Variants in KCNC2 observed in about 807,000 individuals in gnomAD.
KCNC2 encodes potassium voltage-gated channel subfamily C member 2.
A neutral mutation model predicts 44.5 loss-of-function variants in KCNC2; 21 were observed. The observed-to-expected ratio is 0.47, with a 90% CI of 0.33 to 0.68. KCNC2 has a LOEUF of 0.68. Among genes scored for constraint, KCNC2 ranks in the 30% least tolerant of loss-of-function variants. The pLI, the probability that KCNC2 is intolerant of heterozygous loss-of-function variation, is 0.01. For missense variants in KCNC2, 589 were observed against 826.2 expected (o/e 0.71, Z 3.52); for synonymous variants, 391 against 339.1 (o/e 1.15, Z -1.68).
At chr12:75,043,709 G>T in intron 4 of KCNC2, 1 of 1,402,960 alleles carries the variant, frequency 7.1e-7, no homozygotes, top group Non-Finnish European at 9.3e-7. Context: ...TCTTTTTCCA[G>T]CATATTTAAT....
Position 75,051,978 on chromosome 12 carries a change from C to A in KCNC2, c.688-661G>T, listed in dbSNP as rs538099286. 2.0e-5 allele frequency among the ~76,000 whole-genome samples: 3 copies of A among 152,032 alleles called. No individual in the cohort carries two copies. In the South Asian group the frequency reaches 6.2e-4, roughly 32 times the overall value. On this transcript the variant is annotated intron_variant, in intron 2 of 4. Transcript: ENST00000549446. Reference sequence around the variant, plus strand: ...AAAGGAGCAATTTAAATGAAAATGTCTTCCTCTCTTGAAAATGGATCTCAA... The same window carrying A: ...AAAGGAGCAATTTAAATGAAAATGTATTCCTCTCTTGAAAATGGATCTCAA...
chr12:75,138,986 A>C (rs1889443202), intron 2 of KCNC2, among the ~76,000 whole-genome samples: 1 of 67,010 alleles, frequency 1.5e-5, no homozygotes, highest in Non-Finnish European at 3.4e-5. Flanking sequence ...GTGTAAAAAA[A>C]AAAAAAAAAA....
intron 2 of KCNC2, among the ~76,000 whole-genome samples, chr12:75,088,161 A>T (rs1009734141): frequency 6.6e-6 from 1 of 152,108 alleles, no homozygotes; most frequent in Admixed American, 6.6e-5. Context: ...AATTAGAAGG[A>T]TTAAATGAGG....
At chr12:75,182,850 G>T (rs1218365286) in intron 2 of KCNC2, among the ~76,000 whole-genome samples, 2 of 152,184 alleles carry the variant, frequency 1.3e-5, no homozygotes, top group Non-Finnish European at 2.9e-5. Context: ...CTGCAAATTA[G>T]TTACCAAAAT....
At chr12:75,043,834 G>GAAAAAAAAAAA in intron 4 of KCNC2, 1 of 1,194,878 alleles carries the variant, frequency 8.4e-7, no homozygotes, top group Non-Finnish European at 1.1e-6. Flanking sequence ...AAAAGTAAAG[G>GAAAAAAAAAAA]AAAAAAAAAG....
chr12:75,179,703 T>TA (rs1565668634), intron 2 of KCNC2, among the ~76,000 whole-genome samples: 12 of 150,024 alleles, frequency 8.0e-5, no homozygotes, highest in African/African-American at 2.5e-4. Context: ...TAAAACTACT[T>TA]GTATATCTTT....
At chr12:75,079,083 A>C (rs1162616711) in intron 2 of KCNC2, among the ~76,000 whole-genome samples, 1 of 152,144 alleles carries the variant, frequency 6.6e-6, no homozygotes, top group African/African-American at 2.4e-5. Context: ...AAGAAGTAGA[A>C]TTGCTTGTTT....
rs182401103 is a variant in KCNC2 at position 75,106,344 on chromosome 12, A to G, written c.688-55027T>C. Among the ~76,000 whole-genome samples the G allele has an allele frequency of 2.4e-4, 36 of 152,264 alleles. No individual in the cohort carries two copies. The South Asian group carries it at 6.0e-3, about 25-fold the overall frequency. ...AGCTCTTTTGAAAAGTTTTTTCTGT[A>G]CAAGAGAGCAGAGAAATAAGGTGGT... On this transcript the variant is annotated intron_variant, in intron 2 of 4. Transcript: ENST00000549446.
At chr12:75,115,572 G>T (rs931335702) in intron 2 of KCNC2, among the ~76,000 whole-genome samples, 1 of 152,112 alleles carries the variant, frequency 6.6e-6, no homozygotes, top group Non-Finnish European at 1.5e-5. Flanking sequence ...TAGTGCTTTT[G>T]CCAGGAATTC....
At chr12:75,059,580 AT>A (rs1270504838) in intron 2 of KCNC2, among the ~76,000 whole-genome samples, 1 of 151,972 alleles carries the variant, frequency 6.6e-6, no homozygotes, top group African/African-American at 2.4e-5. Flanking sequence ...CACACAATTT[AT>A]TTTTCATTAA....
chr12:75,066,457 GA>G (rs951573646), intron 2 of KCNC2, among the ~76,000 whole-genome samples: 1 of 151,968 alleles, frequency 6.6e-6, no homozygotes, highest in African/African-American at 2.4e-5. Context: ...CTGTTCATCT[GA>G]AAAAAATCAT....
intron 2 of KCNC2, among the ~76,000 whole-genome samples, chr12:75,127,214 A>G (rs1888492306): frequency 1.3e-5 from 2 of 152,130 alleles, no homozygotes; most frequent in South Asian, 4.1e-4. Context: ...TAGTTACATG[A>G]CGGTGCTAGT....
intron 2 of KCNC2, among the ~76,000 whole-genome samples, chr12:75,061,598 C>G (rs977108985): frequency 6.6e-6 from 1 of 150,622 alleles, no homozygotes; most frequent in Non-Finnish European, 1.5e-5. Flanking sequence ...CACACACACA[C>G]ACACACACAC....
At chr12:75,194,225 G>A (rs189738089) in intron 2 of KCNC2, among the ~76,000 whole-genome samples, 31 of 152,258 alleles carry the variant, frequency 2.0e-4, no homozygotes, top group Non-Finnish European at 4.0e-4. Flanking sequence ...TGCTGGGCTA[G>A]AGTGGGCCAT....
chr12:75,053,073 CACTT>C (rs1285629963), intron 2 of KCNC2, among the ~76,000 whole-genome samples: 5 of 152,222 alleles, frequency 3.3e-5, no homozygotes, highest in South Asian at 4.1e-4. Context: ...TTTGTCGTAA[CACTT>C]AGTATCATAA....
rs183934443 is a variant in KCNC2, at chr12:75,045,679, T to G, written c.1781-2438A>C. Reference sequence around the variant, plus strand: ...AGCATGAGCTTATTTGTGGCAATACTGAAACTACCTACCCATGTGCTATTC... The same window carrying G: ...AGCATGAGCTTATTTGTGGCAATACGGAAACTACCTACCCATGTGCTATTC... On this transcript the variant is annotated intron_variant, in intron 4 of 4. Transcript: ENST00000549446. Among the ~76,000 whole-genome samples, 653 of 152,072 alleles carry G rather than the reference T, an allele frequency of 4.3e-3. 3 individuals are homozygous for G. Among genetic ancestry groups the G allele is most frequent in the African/African-American group, 0.015 (616 of 41,566 alleles).
intron 2 of KCNC2, among the ~76,000 whole-genome samples, chr12:75,065,820 A>G (rs992657174): frequency 3.3e-5 from 5 of 152,122 alleles, no homozygotes; most frequent in Non-Finnish European, 7.4e-5. Context: ...CTGCATTACA[A>G]ATATTTATAA....
chr12:75,080,725 T>G (rs1884421516), intron 2 of KCNC2, among the ~76,000 whole-genome samples: 1 of 152,108 alleles, frequency 6.6e-6, no homozygotes, highest in Admixed American at 6.6e-5. Context: ...TTTTTAGCAG[T>G]GTGCCAGTCA....
chr12:75,081,087 C>A, intron 2 of KCNC2, among the ~76,000 whole-genome samples: 1 of 118,884 alleles, frequency 8.4e-6, no homozygotes, highest in South Asian at 2.6e-4. Flanking sequence ...GTACTATAGC[C>A]TTCCTGTAAC....
Sources: allele counts gnomAD v4.1 joint callset (sites outside exome capture counted in the v4.1 genomes callset), GRCh38; gene constraint gnomAD v4.1.1; transcripts MANE v1.5; gene names NCBI Gene and HGNC (gene_info 2026-07-23, HGNC 2026-07-21).